PXK: variants seen among roughly 807,000 people sequenced by gnomAD.
PXK encodes PX domain containing serine/threonine kinase like.
PXK carries 35 observed loss-of-function variants against 84.7 expected under a neutral mutation model. The ratio of observed to expected loss-of-function variants is 0.41; its 90% CI spans 0.32 to 0.55. The LOEUF is 0.55. Ranked by LOEUF, PXK falls within the 20% of genes least tolerant of loss-of-function variation. The pLI is 0.21. For missense variants in PXK, 634 were observed against 699.7 expected (o/e 0.91, Z 1.06); for synonymous variants, 253 against 260.8 (o/e 0.97, Z 0.29).
chr3:58,395,395 T>C (rs533263248), intron 8 of PXK, among the ~76,000 whole-genome samples: 6 of 152,364 alleles, frequency 3.9e-5, no homozygotes, highest in African/African-American at 1.4e-4. Context: ...AAAGCAGTTC[T>C]GAAGAATTCG....
At chr3:58,369,357 T>C (rs2098328524) in intron 2 of PXK, 74 bp from the exon 3 acceptor site, 1 of 1,208,294 alleles carries the variant, frequency 8.3e-7, no homozygotes, top group African/African-American at 1.5e-5. Context: ...TTACTAATTC[T>C]AATACATATT....
chr3:58,342,269 G>A (rs1273317255), intron 1 of PXK, among the ~76,000 whole-genome samples: 1 of 152,056 alleles, frequency 6.6e-6, no homozygotes, highest in Non-Finnish European at 1.5e-5. Flanking sequence ...CCATAAACAT[G>A]TCTTTGTGAA....
chr3:58,403,313 TA>T (rs1386158062), intron 12 of PXK, among the ~76,000 whole-genome samples: 3 of 152,164 alleles, frequency 2.0e-5, no homozygotes, highest in African/African-American at 7.2e-5. Flanking sequence ...GCCAGTAACA[TA>T]TTTTTGAAGA....
chr3:58,403,978 T>C, intron 13 of PXK, 68 bp downstream of exon 13: 1 of 1,171,180 alleles, frequency 8.5e-7, no homozygotes, highest in East Asian at 2.6e-5. Flanking sequence ...TAGCTGTATT[T>C]TTAGCCAAAA....
At chr3:58,382,384 A>G (rs1330504642) in intron 3 of PXK, 130 bp from the exon 4 acceptor site, 1 of 659,002 alleles carries the variant, frequency 1.5e-6, no homozygotes, top group Admixed American at 4.0e-5. Context: ...CAATTTTTAT[A>G]TCACTGAAAT....
At chr3:58,386,290 C>CTTTTTTTTTTTTTTTTTTTTT (rs752411806) in intron 4 of PXK, among the ~76,000 whole-genome samples, 2 of 82,264 alleles carry the variant, frequency 2.4e-5, no homozygotes, top group African/African-American at 9.7e-5. Flanking sequence ...ATCCCCCTTA[C>CTTTTTTTTTTTTTTTTTTTTT]TTTTTTTTTT....
At chr3:58,358,294 G>A (rs2098125264) in intron 1 of PXK, among the ~76,000 whole-genome samples, 1 of 152,080 alleles carries the variant, frequency 6.6e-6, no homozygotes, top group Admixed American at 6.6e-5. Context: ...CTCTTTCTTG[G>A]TCTACTCCCA....
rs541592285 is a variant in PXK, at chr3:58,401,742, C to T, written c.1182-2120C>T. Among the ~76,000 whole-genome samples the T allele has an allele frequency of 3.5e-4, 53 of 151,984 alleles. No homozygotes were observed. The highest frequency in any genetic ancestry group is 9.8e-4 in the Admixed American group (15 of 15,256). ...GAGATCCAGACCATCCTAGCTAACA[C>T]GGTGAAACCCTGTCTCTACTAAAAA... On this transcript the variant is annotated intron_variant, in intron 12 of 17. Coordinates refer to ENST00000356151, the MANE Select transcript of PXK (RefSeq NM_017771.5). This position sits in a 1 kb window ranked among gnomAD's most constrained non-coding sequence, Gnocchi z 4.4.
intron 1 of PXK, among the ~76,000 whole-genome samples, chr3:58,346,236 G>A (rs1276098979): frequency 6.6e-6 from 1 of 152,124 alleles, no homozygotes; most frequent in Non-Finnish European, 1.5e-5. Flanking sequence ...GGGGGGGTTT[G>A]GGTGGAGGTG....
chr3:58,420,995 A>T (rs984902912), intron 17 of PXK: 2 of 1,006,736 alleles, frequency 2.0e-6, no homozygotes, highest in African/African-American at 3.5e-5. Context: ...ACTGGCTTTT[A>T]TAACTGACGG....
Position 58,400,553 on chromosome 3 carries a change from T to A in PXK, c.1181+1176T>A, listed in dbSNP as rs1035474755. Among the ~76,000 whole-genome samples the A allele has an allele frequency of 3.9e-5, 6 of 152,206 alleles. No homozygotes were observed. Among genetic ancestry groups the A allele is most frequent in the African/African-American group, 1.4e-4 (6 of 41,438 alleles). ...GGAAACCAAGCCCCTGCCCCGTGGA[T>A]GTGACATTCTACTGTTCCACAGACA... On this transcript the variant is annotated intron_variant, in intron 12 of 17. Transcript: ENST00000356151. This position sits in a 1 kb window ranked among gnomAD's most constrained non-coding sequence, Gnocchi z 4.0.
Position 58,410,072 on chromosome 3 carries a change from T to A in PXK, c.1396-18T>A. ...TGCTTTCCTCTCCCTCCCTCCCCCT[T>A]TTCTTTTATTCTTAAAGAAGTCAAA... On this transcript the variant is annotated intron_variant, in intron 15 of 17. Transcript: ENST00000356151. 1 of 1,534,578 alleles carries A rather than the reference T, an allele frequency of 6.5e-7. No individual in the cohort carries two copies. The highest frequency in any genetic ancestry group is 9.0e-7 in the Non-Finnish European group (1 of 1,108,538).
At position 58,407,881 on chromosome 3, in the gene PXK, A is replaced by C. The variant is rs1158419020; in HGVS notation, c.1231-1043A>C. Among the ~76,000 whole-genome samples, 3 of 152,290 alleles carry C rather than the reference A, an allele frequency of 2.0e-5. No individual in the cohort carries two copies. On this transcript the variant is annotated intron_variant, in intron 13 of 17. Coordinates refer to ENST00000356151, the MANE Select transcript of PXK (RefSeq NM_017771.5). The surrounding 1 kb of genome is among the most constrained non-coding windows in gnomAD (Gnocchi z 4.3). ...TGCACCAAAGTTTTAAATTTTGATG[A>C]AGTTTAATTTTTTTTCTTTTATTGC...
intron 3 of PXK, among the ~76,000 whole-genome samples, chr3:58,378,510 T>TGTGTGTGTGTGTGTG (rs1448463917): frequency 3.6e-5 from 1 of 27,726 alleles, no homozygotes; most frequent in Non-Finnish European, 9.1e-5. Flanking sequence ...TTTTTTTTTT[T>TGTGTGTGTGTGTGTG]TTTGTGTGTG....
intron 2 of PXK, among the ~76,000 whole-genome samples, chr3:58,367,430 A>G (rs1229875461): frequency 6.6e-6 from 1 of 151,896 alleles, no homozygotes; most frequent in Non-Finnish European, 1.5e-5. Flanking sequence ...TATTTTTAGT[A>G]GAGACAGGGT....
At chr3:58,338,191 A>G (rs939205570) in intron 1 of PXK, among the ~76,000 whole-genome samples, 1 of 151,808 alleles carries the variant, frequency 6.6e-6, no homozygotes, top group African/African-American at 2.4e-5. Context: ...AAAATACAAA[A>G]TTAGCTGGGC....
intron 17 of PXK, among the ~76,000 whole-genome samples, chr3:58,423,666 C>A (rs555048420): frequency 6.6e-6 from 1 of 152,164 alleles, no homozygotes; most frequent in African/African-American, 2.4e-5. Context: ...GGGGAAACCA[C>A]CTGGCAGAAT....
rs1356193018 is a variant in PXK at position 58,364,693 on chromosome 3, CAG to C, written c.103-1178_103-1177del. On this transcript the variant is annotated intron_variant, in intron 1 of 17. Transcript: ENST00000356151. This position sits in a 1 kb window ranked among gnomAD's most constrained non-coding sequence, Gnocchi z 4.3. Reference sequence around the variant, plus strand: ...TGCCACTGCACTCCAGCCTGGGTGACAGAGTGAGACTCGGTCTCAAAAAAAAA... The same window carrying C: ...TGCCACTGCACTCCAGCCTGGGTGACAGTGAGACTCGGTCTCAAAAAAAAA... Among the ~76,000 whole-genome samples the C allele has an allele frequency of 1.3e-5, 2 of 151,600 alleles. No individual in the cohort carries two copies. The highest frequency in any genetic ancestry group is 3.9e-4 in the East Asian group (2 of 5,140).
chr3:58,382,464 T>C, intron 3 of PXK, 50 bp from the exon 4 acceptor site: 1 of 1,415,362 alleles, frequency 7.1e-7, no homozygotes, highest in Non-Finnish European at 9.3e-7. Flanking sequence ...TTTGTGTTGA[T>C]TCTTATTTGT....
Sources: allele counts gnomAD v4.1 joint callset (sites outside exome capture counted in the v4.1 genomes callset), GRCh38; gene constraint gnomAD v4.1.1; non-coding constraint Gnocchi (gnomAD v3.1); transcripts MANE v1.5; gene names NCBI Gene and HGNC (gene_info 2026-07-23, HGNC 2026-07-21).